The following MADD variants were observed in gnomAD, a reference collection of about 807,000 sequenced individuals.
MADD encodes MAP kinase-activating death domain protein.
MADD carries 109 observed loss-of-function variants against 176.7 expected under a neutral mutation model. The observed-to-expected ratio is 0.62, with a 90% CI of 0.53 to 0.72. MADD has a LOEUF of 0.72. Among genes scored for constraint, MADD ranks in the 30% least tolerant of loss-of-function variants. The pLI, the probability that MADD is intolerant of heterozygous loss-of-function variation, is 0.00. For missense variants in MADD, 1,914 were observed against 2,045.5 expected (o/e 0.94, Z 1.24); for synonymous variants, 771 against 771.3 (o/e 1.00, Z 0.01).
chr11:47,306,826 C>T (rs56177220), intron 22 of MADD, among the ~76,000 whole-genome samples: 16,802 of 151,890 alleles, frequency 0.11, 1,081 homozygotes, highest in South Asian at 0.23. Flanking sequence ...AGGGGCTGCT[C>T]GGCCATCTTG....
At chr11:47,326,786 G>A (rs760328981) in exon 31 of MADD, 20 of 1,614,008 alleles carry the variant, frequency 1.2e-5, no homozygotes, top group South Asian at 2.2e-5. Flanking sequence ...AGTTCGAGGC[G>A]TCTTTGTCCT....
chr11:47,269,675 C>T (rs1253579111), upstream of MADD: 1 of 151,888 alleles, frequency 6.6e-6, no homozygotes, highest in Non-Finnish European at 1.5e-5. Flanking sequence ...CCCTCTGCCC[C>T]CGCTGCCCAG....
At chr11:47,315,263 T>C (rs772917380) in exon 27 of MADD, 4 of 1,613,932 alleles carry the variant, frequency 2.5e-6, no homozygotes, top group Non-Finnish European at 3.4e-6. Flanking sequence ...AGCCGGCACA[T>C]GAAGAAGCAG....
intron 30 of MADD, 169 bp downstream of exon 33, chr11:47,324,746 C>T (rs538792497): frequency 3.7e-4 from 264 of 707,282 alleles, no homozygotes; most frequent in Non-Finnish European, 6.1e-4. Flanking sequence ...GGCACAGTGA[C>T]GTTGGCGACC....
At chr11:47,303,435 T>C (rs2140232344) in intron 22 of MADD, among the ~76,000 whole-genome samples, 1 of 152,188 alleles carries the variant, frequency 6.6e-6, no homozygotes, top group South Asian at 2.1e-4. Flanking sequence ...AGACGGGGTT[T>C]CACCATGTTA....
chr11:47,290,870 C>G (rs938856321), intron 19 of MADD, 54 bp downstream of exon 20: 2 of 1,389,598 alleles, frequency 1.4e-6, no homozygotes, highest in Non-Finnish European at 2.0e-6. Context: ...TTAAATATCC[C>G]TTTCTCCTCA....
At position 47,278,322 on chromosome 11, in the gene MADD, G is replaced by A. The variant is rs752224539; in HGVS notation, c.1209+44G>A. ...GCATTGTAGAGTCTAGAGGAGGATT[G>A]CATTCTAGACCCAGTCCTGAGATAT... On this transcript the variant is annotated intron_variant, in intron 6 of 32. Coordinates refer to ENST00000402192, the Ensembl canonical transcript of MADD. The A allele has an allele frequency of 2.9e-6, 4 of 1,375,158 alleles. No individual in the cohort carries two copies. The East Asian group carries it at 6.9e-5, about 24-fold the overall frequency. The allele number at this position is 1,375,158 out of a possible 1,614,324, so 85.2% of individuals were successfully genotyped here.
At chr11:47,279,739 T>C (rs1349968238) in intron 7 of MADD, among the ~76,000 whole-genome samples, 2 of 152,006 alleles carry the variant, frequency 1.3e-5, no homozygotes, top group African/African-American at 4.8e-5. Flanking sequence ...GCTTTTATAT[T>C]ATCTTCTAGA....
At chr11:47,299,232 G>T (rs1038193176) in intron 22 of MADD, among the ~76,000 whole-genome samples, 5 of 152,098 alleles carry the variant, frequency 3.3e-5, no homozygotes, top group African/African-American at 1.2e-4. Context: ...GGTAGGGATT[G>T]CATTGAATCT....
At chr11:47,311,186 A>G (rs984328580) in intron 25 of MADD, among the ~76,000 whole-genome samples, 9 of 152,066 alleles carry the variant, frequency 5.9e-5, no homozygotes, top group African/African-American at 1.9e-4. Context: ...GTTCTCCCCA[A>G]CCTCCCTAAG....
At chr11:47,274,976 G>C in exon 3 of MADD, 4 of 1,614,140 alleles carry the variant, frequency 2.5e-6, no homozygotes, top group Non-Finnish European at 3.4e-6. Context: ...TCTCCTCGGG[G>C]CAAACGCCGG....
chr11:47,295,070 G>A (rs946853483), intron 20 of MADD, among the ~76,000 whole-genome samples: 5 of 151,652 alleles, frequency 3.3e-5, no homozygotes, highest in African/African-American at 7.3e-5. Flanking sequence ...GAGAGCAGTG[G>A]TGTGCTCTCT....
chr11:47,271,311 G>GGGAGAGA (rs1963212468), intron 1 of MADD, among the ~76,000 whole-genome samples: 1 of 152,170 alleles, frequency 6.6e-6, no homozygotes, highest in East Asian at 1.9e-4. Context: ...TTTTGGGGAG[G>GGGAGAGA]GGAGAGAGGA....
At chr11:47,281,780 C>G (rs2065924651) in intron 8 of MADD, 27 bp downstream of exon 8, 1 of 1,505,806 alleles carries the variant, frequency 6.6e-7, no homozygotes, top group African/African-American at 1.4e-5. Flanking sequence ...TGTATAATCA[C>G]AAGTTCTTAA....
intron 1 of MADD, chr11:47,271,154 AG>A (rs1215777808): frequency 6.6e-6 from 1 of 152,258 alleles, no homozygotes; most frequent in African/African-American, 2.4e-5. Context: ...TTTGGAATAC[AG>A]GAAGATAGGA....
Position 47,274,017 on chromosome 11 carries a change from T to C in MADD, c.62+41T>C, listed in dbSNP as rs1447921025. ...TTGACTTTTGTCTTAATATCTGGGATAGCCATAAAATCTGCAGTTGTTCCC... is the reference window on the plus strand; with the variant it reads ...TTGACTTTTGTCTTAATATCTGGGACAGCCATAAAATCTGCAGTTGTTCCC... On this transcript the variant is annotated intron_variant, in intron 2 of 32. Coordinates refer to ENST00000402192, the Ensembl canonical transcript of MADD. 5 of 1,578,462 alleles carry C rather than the reference T, an allele frequency of 3.2e-6. No homozygotes were observed. The African/African-American group carries it at 4.0e-5, about 13-fold the overall frequency.
intron 4 of MADD, 77 bp from the exon 5 acceptor site, chr11:47,276,655 T>A: frequency 6.4e-7 from 1 of 1,550,952 alleles, no homozygotes; most frequent in South Asian, 1.2e-5. Flanking sequence ...GGAAACCAAG[T>A]TGTAATGTTG....
At chr11:47,271,328 G>T (rs957200772) in intron 1 of MADD, among the ~76,000 whole-genome samples, 7 of 152,180 alleles carry the variant, frequency 4.6e-5, no homozygotes, top group African/African-American at 1.7e-4. Flanking sequence ...AGGAGAGAAT[G>T]AGAAGGAAAA....
At chr11:47,323,585 C>T (rs747560551) in intron 27 of MADD, 86 bp from the exon 31 acceptor site, 104 of 1,459,500 alleles carry the variant, frequency 7.1e-5, no homozygotes, top group Non-Finnish European at 9.3e-5. Flanking sequence ...TGGGGATGCC[C>T]CAGGACCACC....
Sources: gnomAD v4.1 joint callset for allele counts (sites outside exome capture counted in the v4.1 genomes callset) on GRCh38, gnomAD v4.1.1 for gene constraint, MANE v1.5 for transcripts, NCBI Gene and HGNC (gene_info 2026-07-23, HGNC 2026-07-21) for gene names.